The following GLIS3 variants were observed in gnomAD, a reference collection of about 807,000 sequenced individuals.
GLIS3 encodes GLIS family zinc finger 3.
Under a neutral mutation model 78.6 loss-of-function variants are expected in GLIS3, and 53 were observed. That is an observed-to-expected ratio of 0.67 (90% CI 0.54 to 0.85). GLIS3 has a LOEUF of 0.85. Among genes scored for constraint, GLIS3 ranks in the 40% least tolerant of loss-of-function variants. The pLI is 0.00. For synonymous variants in GLIS3, 684 were observed against 509.9 expected, an observed-to-expected ratio of 1.34 and a Z score of -4.60; for missense variants, 1,703 against 1,231.1, an observed-to-expected ratio of 1.38 and a Z score of -5.74.
chr9:4,182,561 G>C (rs906095987), intron 2 of GLIS3, among the ~76,000 whole-genome samples: 6 of 152,206 alleles, frequency 3.9e-5, no homozygotes, highest in Non-Finnish European at 7.3e-5. Context: ...AAAGCATGGG[G>C]AGTTGTGGGT....
upstream of GLIS3, among the ~76,000 whole-genome samples, chr9:4,352,873 A>G (rs1817992365): frequency 6.6e-6 from 1 of 152,248 alleles, no homozygotes; most frequent in South Asian, 2.1e-4. Context: ...ACTTTAAAAG[A>G]AAACCATATC....
chr9:3,880,807 A>T (rs921332380), intron 7 of GLIS3, among the ~76,000 whole-genome samples: 1 of 152,244 alleles, frequency 6.6e-6, no homozygotes. Context: ...GTGAAGAGGC[A>T]GAATTACCAT....
chr9:4,197,900 A>G (rs2131251328), intron 2 of GLIS3, among the ~76,000 whole-genome samples: 1 of 152,238 alleles, frequency 6.6e-6, no homozygotes, highest in Middle Eastern at 3.4e-3. Context: ...ATTCTCTACA[A>G]TCACGCCCCC....
intron 4 of GLIS3, among the ~76,000 whole-genome samples, chr9:3,980,924 G>A (rs767554660): frequency 4.6e-5 from 7 of 152,144 alleles, no homozygotes; most frequent in Non-Finnish European, 1.0e-4. Flanking sequence ...TGAGCGTTCT[G>A]TATTTACTAC....
chr9:4,270,599 G>T (rs1233205881), intron 2 of GLIS3, among the ~76,000 whole-genome samples: 1 of 152,164 alleles, frequency 6.6e-6, no homozygotes, highest in African/African-American at 2.4e-5. Flanking sequence ...GGTCACACAG[G>T]CCTTTCCAGC....
chr9:4,334,931 C>T lies in GLIS3; in HGVS notation n.264+12150G>A, dbSNP rs1384895413. On this transcript the variant is annotated intron_variant and non_coding_transcript_variant, in intron 2 of 4. Transcript: ENST00000471664. ...TTTTTTTTTTTTTTTTTTTTTGAAA[C>T]GGAGTCTTGCTCTGTCACCCAGGCT... is the stretch of plus-strand genomic sequence containing the variant. 1.5e-4 allele frequency among the ~76,000 whole-genome samples: 6 copies of T among 40,730 alleles called. No individual in the cohort carries two copies. In the East Asian group the frequency reaches 1.8e-3, roughly 12 times the overall value. 26.7% of individuals were successfully genotyped at this position (40,730 alleles called of 152,430 possible). A position where few individuals can be genotyped will look rare whatever the true frequency, so the allele number is the denominator to read the frequency against.
chr9:4,320,759 T>C (rs1320530119), intron 2 of GLIS3, among the ~76,000 whole-genome samples: 3 of 152,124 alleles, frequency 2.0e-5, no homozygotes, highest in African/African-American at 7.2e-5. Context: ...TTATCACTGC[T>C]ATTGGTTTCA....
chr9:4,000,044 G>A (rs922360122), intron 4 of GLIS3, among the ~76,000 whole-genome samples: 10 of 151,962 alleles, frequency 6.6e-5, no homozygotes, highest in Admixed American at 4.6e-4. Context: ...TCAGAACAAT[G>A]TTACTCAGAA....
At chr9:4,158,612 A>G (rs1044597780) in intron 2 of GLIS3, among the ~76,000 whole-genome samples, 1 of 152,206 alleles carries the variant, frequency 6.6e-6, no homozygotes, top group African/African-American at 2.4e-5. Flanking sequence ...TAAGGTTTTC[A>G]CTACTAAATG....
At chr9:3,866,974 G>C (rs1374546132) in intron 8 of GLIS3, among the ~76,000 whole-genome samples, 1 of 152,152 alleles carries the variant, frequency 6.6e-6, no homozygotes, top group Non-Finnish European at 1.5e-5. Context: ...TAGGGAGGAG[G>C]ATTGGAGTTG....
At chr9:4,305,355 C>T (rs1006413560) in intron 4 of GLIS3, 2 of 152,318 alleles carry the variant, frequency 1.3e-5, no homozygotes, top group South Asian at 4.1e-4. Context: ...TCCTAAACCA[C>T]GGGGAACTTC....
chr9:4,138,995 A>G (rs1833610107), intron 2 of GLIS3, among the ~76,000 whole-genome samples: 1 of 152,216 alleles, frequency 6.6e-6, no homozygotes, highest in Non-Finnish European at 1.5e-5. Context: ...CAAAGGCTGA[A>G]GGCAGGAAAC....
At chr9:4,450,739 A>G in the GLIS3 span, among the ~76,000 whole-genome samples, 1 of 152,190 alleles carries the variant, frequency 6.6e-6, no homozygotes, top group South Asian at 2.1e-4. Context: ...TTTCATATCC[A>G]GCCAAACTAA....
At chr9:4,201,068 G>A (rs1186154431) in intron 2 of GLIS3, among the ~76,000 whole-genome samples, 2 of 151,802 alleles carry the variant, frequency 1.3e-5, no homozygotes, top group African/African-American at 4.8e-5. Flanking sequence ...CACATAAACA[G>A]AATTAAAAAC....
intron 2 of GLIS3, among the ~76,000 whole-genome samples, chr9:4,260,955 A>G (rs1825471958): frequency 6.6e-6 from 1 of 152,230 alleles, no homozygotes; most frequent in African/African-American, 2.4e-5. Flanking sequence ...AGATGTGTAT[A>G]CTAAAGAAAT....
At chr9:4,229,412 T>A (rs916000624) in intron 2 of GLIS3, among the ~76,000 whole-genome samples, 1 of 152,252 alleles carries the variant, frequency 6.6e-6, no homozygotes, top group African/African-American at 2.4e-5. Flanking sequence ...TTGGTTAGCA[T>A]GACCAGAGTT....
intron 2 of GLIS3, among the ~76,000 whole-genome samples, chr9:4,141,273 C>G (rs908678033): frequency 1.3e-5 from 2 of 152,032 alleles, no homozygotes; most frequent in Non-Finnish European, 2.9e-5. Flanking sequence ...TTTGATGGTC[C>G]CTGAGTAGCA....
Position 4,201,930 on chromosome 9 carries a change from G to A in GLIS3, c.389-75989C>T, listed in dbSNP as rs571639358. 1.5e-4 allele frequency among the ~76,000 whole-genome samples: 23 copies of A among 152,236 alleles called. No homozygotes were observed. In the South Asian group the frequency reaches 2.9e-3, roughly 19 times the overall value. ...GCAGGAAGTTCACCTGAAGTCAGGC[G>A]TTCGAGACCAGCCTGGCCAGTGTAT... On this transcript the variant is annotated intron_variant, in intron 2 of 10. Coordinates refer to ENST00000381971, the MANE Select transcript of GLIS3 (RefSeq NM_001042413.2).
chr9:3,963,457 C>T (rs1817714557), intron 4 of GLIS3, among the ~76,000 whole-genome samples: 1 of 152,100 alleles, frequency 6.6e-6, no homozygotes, highest in Non-Finnish European at 1.5e-5. Context: ...CTGCATCCTT[C>T]CGAAGTCTGA....
Sources: allele counts gnomAD v4.1 joint callset (sites outside exome capture counted in the v4.1 genomes callset), GRCh38; gene constraint gnomAD v4.1.1; transcripts MANE v1.5; gene names NCBI Gene and HGNC (gene_info 2026-07-23, HGNC 2026-07-21).